The following PACRG variants were observed in gnomAD, a reference collection of about 807,000 sequenced individuals.
PACRG encodes parkin coregulated.
Under a neutral mutation model 29.7 loss-of-function variants are expected in PACRG, and 29 were observed. The observed-to-expected ratio is 0.98, with a 90% CI of 0.73 to 1.33. The LOEUF is 1.33. Ranked by LOEUF, PACRG falls within the 40% of genes most tolerant of loss-of-function variation. The pLI is 0.00. For missense variants in PACRG, 279 were observed against 316.2 expected (o/e 0.88, Z 0.89); for synonymous variants, 116 against 118.7 (o/e 0.98, Z 0.15).
At chr6:162,918,594 G>A (rs1317664815) in intron 2 of PACRG, among the ~76,000 whole-genome samples, 9 of 152,114 alleles carry the variant, frequency 5.9e-5, no homozygotes, top group Admixed American at 5.9e-4. Context: ...AAGGGGGTGC[G>A]TGTTTCTAGG....
At chr6:162,767,078 C>T (rs1782854765) in intron 1 of PACRG, among the ~76,000 whole-genome samples, 1 of 151,968 alleles carries the variant, frequency 6.6e-6, no homozygotes, top group South Asian at 2.1e-4. Context: ...ATTGTGAAGA[C>T]ATACTTTATG....
intron 4 of PACRG, among the ~76,000 whole-genome samples, chr6:163,290,277 C>T (rs1362268466): frequency 1.3e-4 from 10 of 77,224 alleles, no homozygotes; most frequent in South Asian, 4.2e-4. Context: ...CGCGCGCGCG[C>T]GCACACACAC....
At chr6:162,906,218 T>C (rs1217410766) in intron 2 of PACRG, among the ~76,000 whole-genome samples, 1 of 152,238 alleles carries the variant, frequency 6.6e-6, no homozygotes, top group Non-Finnish European at 1.5e-5. Context: ...TCTACCTTGA[T>C]CCAAAATAAG....
At position 162,827,509 on chromosome 6, in the gene PACRG, G is replaced by T. The variant is rs113169714; in HGVS notation, c.291+13228G>T. Among the ~76,000 whole-genome samples the T allele has an allele frequency of 1.9e-3, 288 of 152,264 alleles. 1 individual carries two copies. Among genetic ancestry groups the T allele is most frequent in the African/African-American group, 6.6e-3 (273 of 41,548 alleles). ...ATAATATTAGAATGTAGATCAATTTGCACAAATAATGAGCTCCACGACCAA... is the reference window on the plus strand; with the variant it reads ...ATAATATTAGAATGTAGATCAATTTTCACAAATAATGAGCTCCACGACCAA... On this transcript the variant is annotated intron_variant, in intron 2 of 4. Transcript: ENST00000366888.
At chr6:163,195,764 C>A (rs1001645629) in intron 4 of PACRG, among the ~76,000 whole-genome samples, 9 of 152,176 alleles carry the variant, frequency 5.9e-5, no homozygotes, top group Admixed American at 5.9e-4. Flanking sequence ...CACAGTCACG[C>A]TGCTTTCAAA....
chr6:163,015,042 G>T (rs1805970007), intron 2 of PACRG, among the ~76,000 whole-genome samples: 1 of 152,096 alleles, frequency 6.6e-6, no homozygotes, highest in Non-Finnish European at 1.5e-5. Flanking sequence ...AAAAGTAAGG[G>T]TCCAGTTTTA....
Position 163,055,416 on chromosome 6 carries a change from A to T in PACRG, c.292-6734A>T, listed in dbSNP as rs1398289122. 2.0e-5 allele frequency among the ~76,000 whole-genome samples: 3 copies of T among 152,150 alleles called. No individual in the cohort carries two copies. Among genetic ancestry groups the T allele is most frequent in the African/African-American group, 7.2e-5 (3 of 41,446 alleles). On this transcript the variant is annotated intron_variant, in intron 2 of 4. Transcript: ENST00000366888. This position sits in a 1 kb window ranked among gnomAD's most constrained non-coding sequence, Gnocchi z 4.0. The stretch of plus-strand genomic sequence containing the variant: ...TATATACACACGTGCACACACACGC[A>T]AACAAGCGCCTGAGGATAAACGTAA...
At chr6:162,771,759 G>T (rs1264202217) in intron 1 of PACRG, among the ~76,000 whole-genome samples, 1 of 152,038 alleles carries the variant, frequency 6.6e-6, no homozygotes, top group Non-Finnish European at 1.5e-5. Context: ...TAACTCTCAA[G>T]AACATTTTGA....
intron 2 of PACRG, among the ~76,000 whole-genome samples, chr6:162,891,713 C>CT (rs1401103884): frequency 6.6e-6 from 1 of 152,120 alleles, no homozygotes; most frequent in East Asian, 1.9e-4. Context: ...AAAGGCACCT[C>CT]TTTGGGGGGC....
chr6:162,739,114 C>A (rs1780380287), intron 1 of PACRG, among the ~76,000 whole-genome samples: 2 of 152,134 alleles, frequency 1.3e-5, no homozygotes, highest in South Asian at 4.1e-4. Context: ...TATATTGTGA[C>A]CAACAGCTAA....
intron 1 of PACRG, among the ~76,000 whole-genome samples, chr6:162,802,118 T>C (rs965168043): frequency 2.6e-5 from 4 of 152,178 alleles, no homozygotes; most frequent in African/African-American, 4.8e-5. Flanking sequence ...ATTTCTCATA[T>C]TCTTATTTCA....
At chr6:162,791,260 G>A (rs1784910962) in intron 1 of PACRG, among the ~76,000 whole-genome samples, 1 of 149,758 alleles carries the variant, frequency 6.7e-6, no homozygotes, top group Non-Finnish European at 1.5e-5. Flanking sequence ...GGGGGTTTTT[G>A]TGGGTATATT....
At chr6:163,291,793 C>T (rs184563360) in intron 4 of PACRG, among the ~76,000 whole-genome samples, 2 of 152,294 alleles carry the variant, frequency 1.3e-5, no homozygotes, top group East Asian at 1.9e-4. Flanking sequence ...GGGGAAGGAA[C>T]TCCAGCAGGA....
At chr6:163,169,733 G>T (rs1053549237) in intron 4 of PACRG, among the ~76,000 whole-genome samples, 1 of 152,160 alleles carries the variant, frequency 6.6e-6, no homozygotes, top group Non-Finnish European at 1.5e-5. Context: ...GAGAGAGGCC[G>T]CTGGGCAGGC....
At chr6:162,942,308 A>G (rs772428166) in intron 2 of PACRG, among the ~76,000 whole-genome samples, 5 of 152,186 alleles carry the variant, frequency 3.3e-5, no homozygotes, top group African/African-American at 7.2e-5. Context: ...ATTGCTTTCA[A>G]TATGACTTCC....
chr6:163,298,825 T>A (rs1784879853), intron 4 of PACRG, among the ~76,000 whole-genome samples: 1 of 152,218 alleles, frequency 6.6e-6, no homozygotes, highest in Non-Finnish European at 1.5e-5. Context: ...TCTTTGCCTT[T>A]GCTGTTCTGC....
chr6:163,026,785 T>C (rs1261168741), intron 2 of PACRG, among the ~76,000 whole-genome samples: 1 of 152,246 alleles, frequency 6.6e-6, no homozygotes, highest in East Asian at 1.9e-4. Context: ...ATAAGGCGTT[T>C]CATAGCTGGA....
intron 2 of PACRG, among the ~76,000 whole-genome samples, chr6:163,000,257 T>C (rs1327569227): frequency 1.3e-5 from 2 of 152,202 alleles, no homozygotes; most frequent in Non-Finnish European, 2.9e-5. Flanking sequence ...GTCCCTGAGA[T>C]AGTGCCCTCC....
At chr6:163,032,547 A>C (rs1224572929) in intron 2 of PACRG, among the ~76,000 whole-genome samples, 1 of 152,228 alleles carries the variant, frequency 6.6e-6, no homozygotes, top group Non-Finnish European at 1.5e-5. Flanking sequence ...TGTGGCATAC[A>C]ATAATTCAAC....
Sources: gnomAD v4.1 joint callset for allele counts (sites outside exome capture counted in the v4.1 genomes callset) on GRCh38, gnomAD v4.1.1 for gene constraint, Gnocchi (gnomAD v3.1) non-coding constraint, MANE v1.5 for transcripts, NCBI Gene and HGNC (gene_info 2026-07-23, HGNC 2026-07-21) for gene names.